The following MAGI1 variants were observed in gnomAD, a reference collection of about 807,000 sequenced individuals.
MAGI1 encodes the protein membrane-associated guanylate kinase, WW and PDZ domain-containing protein 1.
A neutral mutation model predicts 139.9 loss-of-function variants in MAGI1; 58 were observed. That is an observed-to-expected ratio of 0.41 (90% CI 0.34 to 0.52). MAGI1 has a LOEUF of 0.52. Ranked by LOEUF, MAGI1 falls within the 20% of genes least tolerant of loss-of-function variation. The pLI is 0.12. For missense variants in MAGI1, 1,874 were observed against 1,901.6 expected (o/e 0.99, Z 0.27); for synonymous variants, 812 against 737.9 (o/e 1.10, Z -1.63).
intron 1 of MAGI1, among the ~76,000 whole-genome samples, chr3:65,647,425 CCAA>C (rs1324355800): frequency 2.6e-5 from 4 of 152,020 alleles, no homozygotes; most frequent in Admixed American, 6.6e-5. Context: ...AAAGACAGTA[CCAA>C]CAACAACAAC....
intron 1 of MAGI1, among the ~76,000 whole-genome samples, chr3:65,633,241 G>A (rs1453850353): frequency 6.6e-6 from 1 of 152,094 alleles, no homozygotes; most frequent in African/African-American, 2.4e-5. Context: ...GACAATAACA[G>A]GCACACACCA....
At chr3:65,548,014 C>T (rs180802595) in intron 2 of MAGI1, among the ~76,000 whole-genome samples, 390 of 152,238 alleles carry the variant, frequency 2.6e-3, no homozygotes, top group African/African-American at 8.4e-3. Flanking sequence ...CCAAAACTAC[C>T]ATCCCAGAGC....
intron 13 of MAGI1, among the ~76,000 whole-genome samples, chr3:65,395,262 TTAATAAAATA>T (rs1944288197): frequency 6.6e-6 from 1 of 152,024 alleles, no homozygotes; most frequent in Non-Finnish European, 1.5e-5. Flanking sequence ...TAGATGAATA[TTAATAAAATA>T]TAATCTATTG....
At chr3:65,775,908 C>A (rs917458571) in intron 1 of MAGI1, among the ~76,000 whole-genome samples, 2 of 149,822 alleles carry the variant, frequency 1.3e-5, no homozygotes, top group Middle Eastern at 3.2e-3. Context: ...CATCACTGCA[C>A]TTCAGCCTCA....
chr3:65,768,969 GTGC>G (rs1465562876), intron 1 of MAGI1, among the ~76,000 whole-genome samples: 1 of 152,026 alleles, frequency 6.6e-6, no homozygotes, highest in Non-Finnish European at 1.5e-5. Context: ...AGCAAACCTA[GTGC>G]TAAGAAACTC....
At chr3:65,369,656 G>A (rs879329031) in intron 18 of MAGI1, among the ~76,000 whole-genome samples, 13 of 152,046 alleles carry the variant, frequency 8.6e-5, no homozygotes, top group African/African-American at 2.7e-4. Context: ...CTACAGGCAC[G>A]CGCCACCATG....
intron 1 of MAGI1, among the ~76,000 whole-genome samples, chr3:65,785,312 A>G (rs2039297380): frequency 6.6e-6 from 1 of 152,158 alleles, no homozygotes; most frequent in African/African-American, 2.4e-5. Context: ...CAGGGGTCCT[A>G]TTTACCAATT....
At chr3:65,983,068 T>A (rs1363579782) in intron 1 of MAGI1, among the ~76,000 whole-genome samples, 1 of 152,124 alleles carries the variant, frequency 6.6e-6, no homozygotes, top group African/African-American at 2.4e-5. Flanking sequence ...CACAGGCTCA[T>A]GCTGCCATGC....
intron 1 of MAGI1, among the ~76,000 whole-genome samples, chr3:65,796,686 T>C (rs1254966962): frequency 6.6e-6 from 1 of 152,238 alleles, no homozygotes; most frequent in African/African-American, 2.4e-5. Flanking sequence ...TAATATGCTA[T>C]TCCTAATGCT....
At chr3:65,430,255 C>A in intron 11 of MAGI1, 115 bp from the exon 12 acceptor site, 1 of 1,048,366 alleles carries the variant, frequency 9.5e-7, no homozygotes, top group Admixed American at 2.2e-5. Context: ...GGGTGTGATA[C>A]TATAGGGTAT....
At chr3:65,811,602 G>A (rs182075832) in intron 1 of MAGI1, among the ~76,000 whole-genome samples, 4 of 152,204 alleles carry the variant, frequency 2.6e-5, no homozygotes, top group East Asian at 1.9e-4. Flanking sequence ...ACTGCAGAAC[G>A]AGCTAAGGGT....
intron 1 of MAGI1, among the ~76,000 whole-genome samples, chr3:65,800,454 T>G (rs1169759921): frequency 6.6e-6 from 1 of 152,150 alleles, no homozygotes; most frequent in Non-Finnish European, 1.5e-5. Context: ...GAGGGAAACC[T>G]TAGCAAAACC....
Position 65,478,644 on chromosome 3 carries a change from G to A in MAGI1, c.705C>T (p.His235=), listed in dbSNP as rs755613904. ...CGTCATCCTCCTCCTCATTCTCCGC[G>A]TGGACTATGCCAGCATTTTGCATAT... is the stretch of plus-strand genomic sequence containing the variant. ...YNDMQNAGIV[H]AENEEEDDVP... is the part of the protein sequence containing the mutation. Residue 235 remains histidine (H), a synonymous_variant, in exon 4 of 23, where the codon CAC becomes CAT. Coordinates refer to ENST00000402939, the MANE Select transcript of MAGI1 (RefSeq NM_001033057.2). 52 of 1,613,828 alleles carry A rather than the reference G, an allele frequency of 3.2e-5. 1 individual carries two copies. Among genetic ancestry groups the A allele is most frequent in the Non-Finnish European group, 4.2e-5 (50 of 1,179,976 alleles).
chr3:65,949,309 G>A (rs1309634017), intron 1 of MAGI1, among the ~76,000 whole-genome samples: 1 of 152,198 alleles, frequency 6.6e-6, no homozygotes, highest in Non-Finnish European at 1.5e-5. Flanking sequence ...TGGACGAGGT[G>A]TTAAAGGTCA....
chr3:65,453,131 G>T, intron 6 of MAGI1, 127 bp downstream of exon 6: 2 of 764,220 alleles, frequency 2.6e-6, no homozygotes, highest in Non-Finnish European at 4.5e-6. Flanking sequence ...AGTCCATTTA[G>T]CAGAAATTGG....
intron 1 of MAGI1, among the ~76,000 whole-genome samples, chr3:65,648,468 G>T (rs1036270923): frequency 2.6e-5 from 4 of 152,050 alleles, no homozygotes; most frequent in African/African-American, 7.2e-5. Context: ...TATTAGCAAT[G>T]AACACAATGA....
chr3:65,477,825 T>C (rs1259303719), intron 4 of MAGI1, among the ~76,000 whole-genome samples: 2 of 151,354 alleles, frequency 1.3e-5, no homozygotes, highest in African/African-American at 4.9e-5. Context: ...GGAACACACA[T>C]CATACCCTGC....
chr3:65,864,782 C>T (rs1391128557), intron 1 of MAGI1, among the ~76,000 whole-genome samples: 1 of 152,114 alleles, frequency 6.6e-6, no homozygotes, highest in African/African-American at 2.4e-5. Flanking sequence ...GGAAGTCCTG[C>T]CTACTCAACC....
intron 12 of MAGI1, among the ~76,000 whole-genome samples, chr3:65,419,203 C>T (rs905270723): frequency 4.8e-5 from 7 of 144,462 alleles, no homozygotes; most frequent in South Asian, 2.3e-4. Flanking sequence ...ATGGGAAATA[C>T]ATTTTATAAC....
Sources: allele counts gnomAD v4.1 joint callset (sites outside exome capture counted in the v4.1 genomes callset), GRCh38; gene constraint gnomAD v4.1.1; transcripts MANE v1.5; gene names NCBI Gene and HGNC (gene_info 2026-07-23, HGNC 2026-07-21).